The following DOCK6 variants were observed in gnomAD, a reference collection of about 807,000 sequenced individuals.
The protein encoded by DOCK6 is dedicator of cytokinesis 6.
In DOCK6, 167 loss-of-function variants were observed where a neutral mutation model predicts 230.3. That is an observed-to-expected ratio of 0.73 (90% confidence interval 0.64 to 0.82). DOCK6 has a LOEUF of 0.82. DOCK6 is among the 40% of genes least tolerant of loss of function. DOCK6 has a pLI of 0.00. For synonymous variants in DOCK6, 1,148 were observed against 1,185.0 expected (o/e 0.97, Z 0.64); for missense variants, 2,598 against 2,825.8 (o/e 0.92, Z 1.83).
chr19:11,234,831 C>T (rs2079821882), intron 21 of DOCK6, among the ~76,000 whole-genome samples: 1 of 152,158 alleles, frequency 6.6e-6, no homozygotes, highest in Non-Finnish European at 1.5e-5. Flanking sequence ...CAAAAGTGGG[C>T]AAAACATTAT....
At chr19:11,235,532 T>G in intron 21 of DOCK6, 66 bp downstream of exon 21, 3 of 1,461,578 alleles carry the variant, frequency 2.1e-6, no homozygotes, top group Non-Finnish European at 2.8e-6. Flanking sequence ...ATTACAGGCG[T>G]GAGCCACCGC....
At position 11,243,409 on chromosome 19, in the gene DOCK6, A is replaced by T. The variant is rs1232087439; in HGVS notation, c.1259-24T>A. On this transcript the variant is annotated intron_variant, in intron 11 of 47. Coordinates refer to ENST00000294618, the MANE Select transcript of DOCK6 (RefSeq NM_020812.4). The surrounding 1 kb of genome is among the most constrained non-coding windows in gnomAD (Gnocchi z 6.3). Reference sequence around the variant, plus strand: ...CTCTAGGGGAGGGAATGACAATGACAAAAGGGGGACCAAGATGAAACAGGG... The same window carrying T: ...CTCTAGGGGAGGGAATGACAATGACTAAAGGGGGACCAAGATGAAACAGGG... 1 of 1,596,524 alleles carries T rather than the reference A, an allele frequency of 6.3e-7. No individual in the cohort carries two copies.
chr19:11,242,345 C>A, intron 13 of DOCK6, 138 bp from the exon 14 acceptor site: 1 of 933,514 alleles, frequency 1.1e-6, no homozygotes, highest in Non-Finnish European at 1.4e-6. Context: ...GCGCCAAGGC[C>A]AGAAATTGCC....
At position 11,212,142 on chromosome 19, in the gene DOCK6, G is replaced by A. The variant is rs1268018171; in HGVS notation, c.4501C>T (p.Arg1501Cys). The A allele has an allele frequency of 6.2e-6, 10 of 1,609,724 alleles. No homozygotes were observed. The highest frequency in any genetic ancestry group is 8.5e-6 in the Non-Finnish European group (10 of 1,179,658). ...QNFEIGHNFA[R>C]VKMQVTMSLS... ...GACATGGTGACCTGCATCTTCACACGGGCAAAGTTCTGCAGGGACAGGGGC... is the reference window on the plus strand; with the variant it reads ...GACATGGTGACCTGCATCTTCACACAGGCAAAGTTCTGCAGGGACAGGGGC... The change falls in exon 36 of 48, where the codon CGT becomes TGT. Residue 1501 changes from arginine to cysteine, a missense_variant. Arg to Cys is a radical substitution (Grantham distance 180). Transcript: ENST00000294618.
At chr19:11,210,018 AC>A in intron 37 of DOCK6, among the ~76,000 whole-genome samples, 1 of 104,450 alleles carries the variant, frequency 9.6e-6, no homozygotes, top group African/African-American at 3.9e-5. Context: ...CCACCTTCTC[AC>A]CTGTCCACCG....
chr19:11,200,588 C>T lies in DOCK6; in HGVS notation c.5940-119G>A, dbSNP rs1568661183. ...TGCAGAAAGACCCGCAATAGGAGGTCAGGTTGGGAGAGTGGACTTAATGGG... is the reference window on the plus strand; with the variant it reads ...TGCAGAAAGACCCGCAATAGGAGGTTAGGTTGGGAGAGTGGACTTAATGGG... On this transcript the variant is annotated intron_variant, in intron 46 of 47. Coordinates refer to ENST00000294618, the MANE Select transcript of DOCK6 (RefSeq NM_020812.4). This position sits in a 1 kb window ranked among gnomAD's most constrained non-coding sequence, Gnocchi z 4.3. The T allele has an allele frequency of 7.9e-6, 12 of 1,511,658 alleles. No homozygotes were observed. In the East Asian group the frequency reaches 2.7e-4, roughly 34 times the overall value. The allele number at this position is 1,511,658 out of a possible 1,614,324, so 93.6% of individuals were successfully genotyped here. A position where few individuals can be genotyped will look rare whatever the true frequency, so the allele number is the denominator to read the frequency against.
In DOCK6 at chr19:11,243,925, G is replaced by A. The variant is rs1291658560; in HGVS notation, c.1024-43C>T. On this transcript the variant is annotated intron_variant, in intron 9 of 47. Transcript: ENST00000294618. The surrounding 1 kb of genome is among the most constrained non-coding windows in gnomAD (Gnocchi z 6.3). Reference sequence around the variant, plus strand: ...GAATCCAGTGAGGCGCTGCCCGAACGCTCTGTTCCCCCGTGCTGGCTCCCC... The same window carrying A: ...GAATCCAGTGAGGCGCTGCCCGAACACTCTGTTCCCCCGTGCTGGCTCCCC... 6.4e-7 allele frequency: 1 copy of A among 1,567,376 alleles called. No homozygotes were observed. Among genetic ancestry groups the A allele is most frequent in the Non-Finnish European group, 8.7e-7 (1 of 1,155,152 alleles).
At chr19:11,207,018 A>G (rs549910438) in intron 39 of DOCK6, among the ~76,000 whole-genome samples, 1 of 151,694 alleles carries the variant, frequency 6.6e-6, no homozygotes, top group Non-Finnish European at 1.5e-5. Context: ...TATTTTTAGT[A>G]GACATGGGGT....
intron 28 of DOCK6, among the ~76,000 whole-genome samples, chr19:11,220,668 G>A (rs766442983): frequency 1.4e-4 from 21 of 152,060 alleles, no homozygotes; most frequent in Non-Finnish European, 2.5e-4. Context: ...ACACATGGAT[G>A]ATCAAATCTG....
At chr19:11,237,814 TG>T (rs1343912966) in intron 16 of DOCK6, 35 bp from the exon 17 acceptor site, 1 of 1,539,932 alleles carries the variant, frequency 6.5e-7, no homozygotes, top group South Asian at 1.2e-5. Context: ...TGCTGGGGGC[TG>T]GGGTCCCCAC....
chr19:11,239,880 C>T, intron 14 of DOCK6: 1 of 1,596,096 alleles, frequency 6.3e-7, no homozygotes, highest in Non-Finnish European at 8.5e-7. Flanking sequence ...GGCAGGAGGT[C>T]AGCCGGGGCC....
rs748961965 is a variant in DOCK6, at chr19:11,202,137, G to A, written c.5452-12C>T. 6.2e-7 allele frequency: 1 copy of A among 1,613,054 alleles called. No individual in the cohort carries two copies. The highest frequency in any genetic ancestry group is 1.1e-5 in the South Asian group (1 of 91,032). ...ATCTGGATGTAGGCCTGGGCGCAGGGTCAGGTGTGAGGATCCCACAGCCCC... is the reference window on the plus strand; with the variant it reads ...ATCTGGATGTAGGCCTGGGCGCAGGATCAGGTGTGAGGATCCCACAGCCCC... On this transcript the variant is annotated splice_polypyrimidine_tract_variant and intron_variant, in intron 43 of 47. Coordinates refer to ENST00000294618, the MANE Select transcript of DOCK6 (RefSeq NM_020812.4). The surrounding 1 kb of genome is among the most constrained non-coding windows in gnomAD (Gnocchi z 5.3).
chr19:11,221,440 C>T (rs2079577227), intron 28 of DOCK6: 1 of 171,696 alleles, frequency 5.8e-6, no homozygotes, highest in African/African-American at 2.4e-5. Context: ...ACTGTTATAC[C>T]ACCCCCCTCA....
chr19:11,223,802 ACG>A (rs1461725339), intron 24 of DOCK6, among the ~76,000 whole-genome samples: 2 of 151,828 alleles, frequency 1.3e-5, no homozygotes, highest in African/African-American at 2.4e-5. Context: ...ACCCACCACC[ACG>A]CCTAGCTAAT....
Position 11,200,888 on chromosome 19 carries a change from TCC to T in DOCK6, c.5832+19_5832+20del. On this transcript the variant is annotated intron_variant, in intron 45 of 47. Coordinates refer to ENST00000294618, the MANE Select transcript of DOCK6 (RefSeq NM_020812.4). The surrounding 1 kb of genome is among the most constrained non-coding windows in gnomAD (Gnocchi z 4.3). ...CCTGGAGTCCCCCGTGCGGCTTGCATCCCCCTTCCACCAGCCGTGCCTGGTTC... is the reference window on the plus strand; with the variant it reads ...CCTGGAGTCCCCCGTGCGGCTTGCATCCCTTCCACCAGCCGTGCCTGGTTC... 1 of 1,612,796 alleles carries T rather than the reference TCC, an allele frequency of 6.2e-7. No individual in the cohort carries two copies. Among genetic ancestry groups the T allele is most frequent in the Non-Finnish European group, 8.5e-7 (1 of 1,179,552 alleles).
rs772281824 is a variant in DOCK6 at position 11,200,316 on chromosome 19, G to T, written c.6093C>A (p.Pro2031=). 1 of 1,565,316 alleles carries T rather than the reference G, an allele frequency of 6.4e-7. No individual in the cohort carries two copies. The highest frequency in any genetic ancestry group is 2.4e-5 in the East Asian group (1 of 42,200). The change falls in exon 47 of 48, where the codon CCC becomes CCA. Residue 2031 remains proline, a synonymous_variant. Coordinates refer to ENST00000294618, the MANE Select transcript of DOCK6 (RefSeq NM_020812.4). This position sits in a 1 kb window ranked among gnomAD's most constrained non-coding sequence, Gnocchi z 4.3. ...RLPQLMAPTP[P]GLRNSLNRAS... ...GGCACTAGGTCAGGCACCTGAGGCC[G>T]GGTGGGGTGGGTGCCATCAGCTGGG...
intron 37 of DOCK6, among the ~76,000 whole-genome samples, chr19:11,211,443 T>C (rs558443799): frequency 2.6e-5 from 4 of 151,294 alleles, no homozygotes; most frequent in African/African-American, 9.7e-5. Flanking sequence ...CAGTACATTC[T>C]CCTGGCATCC....
chr19:11,216,089 A>ATT, intron 30 of DOCK6, 162 bp from the exon 31 acceptor site: 2 of 879,536 alleles, frequency 2.3e-6, no homozygotes, highest in Middle Eastern at 3.8e-4. Flanking sequence ...CCAAAAAAAA[A>ATT]ATTTTTTTTT....
At chr19:11,229,448 T>C in intron 22 of DOCK6, 10 of 883,924 alleles carry the variant, frequency 1.1e-5, no homozygotes, top group Non-Finnish European at 1.4e-5. Context: ...AAGGGGTATG[T>C]GGTTGGAGGA....
Sources: allele counts gnomAD v4.1 joint callset (sites outside exome capture counted in the v4.1 genomes callset), GRCh38; gene constraint gnomAD v4.1.1; non-coding constraint Gnocchi (gnomAD v3.1); transcripts MANE v1.5; gene names NCBI Gene and HGNC (gene_info 2026-07-23, HGNC 2026-07-21).